TMEM17: variants seen among roughly 807,000 people sequenced by gnomAD.
TMEM17 encodes the protein transmembrane protein 17.
TMEM17 carries 15 observed loss-of-function variants against 19.1 expected under a neutral mutation model. The ratio of observed to expected loss-of-function variants is 0.78; its 90% CI spans 0.52 to 1.21. TMEM17 has a LOEUF of 1.21. Among genes scored for constraint, TMEM17 ranks in the 50% most tolerant of loss-of-function variants. The pLI, the probability that TMEM17 is intolerant of heterozygous loss-of-function variation, is 0.00. For synonymous variants in TMEM17, 103 were observed against 86.9 expected, an observed-to-expected ratio of 1.19 and a Z score of -1.03; for missense variants, 245 against 242.3, an observed-to-expected ratio of 1.01 and a Z score of -0.07.
chr2:62,488,164 C>T, the TMEM17 span, among the ~76,000 whole-genome samples: 1 of 152,124 alleles, frequency 6.6e-6, no homozygotes, highest in Non-Finnish European at 1.5e-5. Context: ...TGTATGTTCA[C>T]ACAAACTTGA....
chr2:62,465,550 A>T, the TMEM17 span, among the ~76,000 whole-genome samples: 2 of 152,038 alleles, frequency 1.3e-5, no homozygotes, highest in Admixed American at 6.6e-5. Flanking sequence ...AGACAGGAGG[A>T]TCGCTTGAGC....
the TMEM17 span, among the ~76,000 whole-genome samples, chr2:62,462,757 C>T: frequency 3.3e-5 from 5 of 152,186 alleles, no homozygotes; most frequent in African/African-American, 1.2e-4. Context: ...AGCCCTAGAA[C>T]GTGGTCTTGG....
chr2:62,486,062 T>C, the TMEM17 span, among the ~76,000 whole-genome samples: 1 of 152,230 alleles, frequency 6.6e-6, no homozygotes, highest in Non-Finnish European at 1.5e-5. Context: ...AATGTGCCCT[T>C]GTTTGCTTAA....
At chr2:62,477,327 G>A in the TMEM17 span, among the ~76,000 whole-genome samples, 2 of 152,182 alleles carry the variant, frequency 1.3e-5, no homozygotes, top group Non-Finnish European at 2.9e-5. Context: ...AACCCAGGAG[G>A]CGGAGGTTGC....
the TMEM17 span, among the ~76,000 whole-genome samples, chr2:62,493,570 T>C: frequency 2.2e-4 from 34 of 152,230 alleles, 1 homozygote; most frequent in Admixed American, 2.0e-3. Context: ...CACAGAATTA[T>C]ATACTAGTGA....
the TMEM17 span, among the ~76,000 whole-genome samples, chr2:62,472,295 G>C: frequency 6.6e-6 from 1 of 152,178 alleles, no homozygotes; most frequent in East Asian, 1.9e-4. Context: ...GCAAAAGAAG[G>C]GTGGGCATGA....
At chr2:62,471,168 G>A in the TMEM17 span, among the ~76,000 whole-genome samples, 2,056 of 152,280 alleles carry the variant, frequency 0.014, 21 homozygotes, top group Middle Eastern at 0.02. Flanking sequence ...CACTTAATGC[G>A]TGTGGAGGGT....
intron 1 of TMEM17, 97 bp from the exon 2 acceptor site, chr2:62,502,891 C>A (rs921057663): frequency 1.3e-5 from 8 of 600,954 alleles, no homozygotes; most frequent in Non-Finnish European, 2.1e-5. Context: ...ATAATATTGG[C>A]TCAGTAAAAC....
chr2:62,463,753 A>T, the TMEM17 span: 5 of 152,330 alleles, frequency 3.3e-5, no homozygotes, highest in South Asian at 1.0e-3. Context: ...GAGAATTTCT[A>T]TTCCTGTTTT....
At chr2:62,463,099 T>G in the TMEM17 span, 1 of 152,396 alleles carries the variant, frequency 6.6e-6, no homozygotes, top group African/African-American at 2.4e-5. Flanking sequence ...CACCAGACCT[T>G]GCCTGGAGCA....
chr2:62,477,758 C>G, the TMEM17 span, among the ~76,000 whole-genome samples: 1 of 152,202 alleles, frequency 6.6e-6, no homozygotes, highest in African/African-American at 2.4e-5. Flanking sequence ...TGACTTGACC[C>G]TTGGAATGAC....
chr2:62,461,293 G>A, the TMEM17 span, among the ~76,000 whole-genome samples: 3 of 152,242 alleles, frequency 2.0e-5, no homozygotes, highest in Non-Finnish European at 2.9e-5. Context: ...CAAGGAACGG[G>A]GGTTGGAGAT....
At chr2:62,496,892 G>A (rs934502958), downstream of TMEM17, among the ~76,000 whole-genome samples, 5 of 152,160 alleles carry the variant, frequency 3.3e-5, no homozygotes, top group African/African-American at 1.2e-4. Context: ...GAGGCTAGGA[G>A]TTCAAGACCT....
the TMEM17 span, among the ~76,000 whole-genome samples, chr2:62,465,183 A>G: frequency 0.028 from 4,299 of 152,308 alleles, 193 homozygotes; most frequent in African/African-American, 0.094. Context: ...GAGGCCTACA[A>G]TTAGGAATGA....
chr2:62,496,106 TC>T (rs1679772612), downstream of TMEM17, among the ~76,000 whole-genome samples: 1 of 152,126 alleles, frequency 6.6e-6, no homozygotes, highest in Non-Finnish European at 1.5e-5. Flanking sequence ...CTCTTGAGAC[TC>T]AGTATTCCTG....
chr2:62,489,752 C>T, the TMEM17 span, among the ~76,000 whole-genome samples: 4 of 152,150 alleles, frequency 2.6e-5, no homozygotes, highest in Admixed American at 6.5e-5. Context: ...ATAAGGAGTG[C>T]ACTTGTGCCC....
At chr2:62,461,758 TGAAAACCTCG>T in the TMEM17 span, among the ~76,000 whole-genome samples, 1 of 152,194 alleles carries the variant, frequency 6.6e-6, no homozygotes, top group East Asian at 1.9e-4. Context: ...TGATTCAGAC[TGAAAACCTCG>T]GAAGCAGCCC....
the TMEM17 span, among the ~76,000 whole-genome samples, chr2:62,492,327 G>A: frequency 1.3e-5 from 2 of 152,170 alleles, no homozygotes; most frequent in Non-Finnish European, 2.9e-5. Flanking sequence ...AATAAGATCT[G>A]CCTTACAGAG....
the TMEM17 span, among the ~76,000 whole-genome samples, chr2:62,454,817 C>T: frequency 6.6e-6 from 1 of 152,196 alleles, no homozygotes; most frequent in Admixed American, 6.5e-5. Context: ...CATTCTCCTG[C>T]CTCAGCCTCC....
Sources: allele counts gnomAD v4.1 joint callset (sites outside exome capture counted in the v4.1 genomes callset), GRCh38; gene constraint gnomAD v4.1.1; transcripts MANE v1.5; gene names NCBI Gene and HGNC (gene_info 2026-07-23, HGNC 2026-07-21).